Variants in GAS7 observed in about 807,000 individuals in gnomAD.
GAS7 encodes the protein growth arrest specific 7.
A neutral mutation model predicts 71.1 loss-of-function variants in GAS7; 28 were observed. The observed-to-expected ratio is 0.39, with a 90% CI of 0.29 to 0.54. The LOEUF (loss-of-function observed/expected upper bound fraction) is 0.54. GAS7 is among the 20% of genes least tolerant of loss of function. GAS7 has a pLI of 0.62. For synonymous variants in GAS7, 258 were observed against 245.8 expected (o/e 1.05, Z -0.46); for missense variants, 436 against 627.8 (o/e 0.69, Z 3.27).
chr17:10,132,154 A>G (rs2074002303), intron 1 of GAS7, among the ~76,000 whole-genome samples: 2 of 152,380 alleles, frequency 1.3e-5, no homozygotes, highest in African/African-American at 2.4e-5. Flanking sequence ...ATGTATGAAT[A>G]CATGTACTCG....
At position 9,919,881 on chromosome 17, in the gene GAS7, G is replaced by C. The variant is rs887043404; in HGVS notation, c.1139-176C>G. On this transcript the variant is annotated intron_variant, in intron 11 of 13. Transcript: ENST00000432992. The surrounding 1 kb of genome is among the most constrained non-coding windows in gnomAD (Gnocchi z 5.0). ...AGAAAGCAGAGCCAGGGAAGGAAGG[G>C]GGCAACCCAGCCCCATGAGAACCCA... Among the ~76,000 whole-genome samples, 1 of 152,142 alleles carries C rather than the reference G, an allele frequency of 6.6e-6. No homozygotes were observed. Among genetic ancestry groups the C allele is most frequent in the East Asian group, 1.9e-4 (1 of 5,184 alleles).
chr17:9,976,755 T>C (rs1191987293), intron 3 of GAS7, among the ~76,000 whole-genome samples: 1 of 152,206 alleles, frequency 6.6e-6, no homozygotes, highest in African/African-American at 2.4e-5. Context: ...CCATGTTTCC[T>C]GAAACACTCC....
chr17:10,025,389 A>C (rs1413067025), intron 1 of GAS7, among the ~76,000 whole-genome samples: 1 of 151,690 alleles, frequency 6.6e-6, no homozygotes, highest in African/African-American at 2.4e-5. Context: ...GCTCCTTCCC[A>C]AGGAGGATGA....
intron 1 of GAS7, among the ~76,000 whole-genome samples, chr17:10,185,351 C>T (rs189988655): frequency 1.3e-5 from 2 of 152,302 alleles, no homozygotes; most frequent in East Asian, 3.9e-4. Context: ...ATTGAACAGG[C>T]AGCCCCCAGC....
intron 2 of GAS7, among the ~76,000 whole-genome samples, chr17:9,986,445 C>A (rs113095646): frequency 1.2e-4 from 18 of 152,292 alleles, no homozygotes; most frequent in African/African-American, 3.9e-4. Context: ...CCAACCACTG[C>A]GGACCCAAAA....
chr17:10,063,660 A>G (rs1467274286), intron 1 of GAS7, among the ~76,000 whole-genome samples: 2 of 152,164 alleles, frequency 1.3e-5, no homozygotes, highest in African/African-American at 4.8e-5. Context: ...ATCCAAGGTC[A>G]GGCTGCTAAC....
chr17:10,061,907 C>T (rs1344298974), intron 1 of GAS7, among the ~76,000 whole-genome samples: 1 of 152,164 alleles, frequency 6.6e-6, no homozygotes, highest in Non-Finnish European at 1.5e-5. Context: ...TCCCCAGGGG[C>T]CAATGGGGCA....
In GAS7 at chr17:9,911,080, G is replaced by T; in HGVS notation, c.*6148C>A. 4.3e-6 allele frequency: 1 copy of T among 233,076 alleles called. No homozygotes were observed. Among genetic ancestry groups the T allele is most frequent in the Non-Finnish European group, 8.5e-6 (1 of 117,944 alleles). 14.4% of individuals were successfully genotyped at this position (233,076 alleles called of 1,614,324 possible). ...CATCTCCTTCCTAACGGAAGGGAAG[G>T]GATGCTAAGTTGGGGCCCCTGTCAC... On this transcript the variant is annotated 3_prime_UTR_variant, in exon 14 of 14. Coordinates refer to ENST00000432992, the MANE Select transcript of GAS7 (RefSeq NM_201433.2). This position sits in a 1 kb window ranked among gnomAD's most constrained non-coding sequence, Gnocchi z 4.0.
intron 1 of GAS7, among the ~76,000 whole-genome samples, chr17:10,179,918 A>G (rs879668806): frequency 6.6e-6 from 1 of 152,186 alleles, no homozygotes; most frequent in Non-Finnish European, 1.5e-5. Context: ...AATACGTAAT[A>G]TGGCAGTGAC....
At chr17:10,068,923 C>T (rs1165466455) in intron 1 of GAS7, among the ~76,000 whole-genome samples, 1 of 152,188 alleles carries the variant, frequency 6.6e-6, no homozygotes, top group African/African-American at 2.4e-5. Flanking sequence ...AGCAGTGAGT[C>T]CTGGTAGCAT....
At chr17:10,085,288 T>C (rs1004881963) in intron 1 of GAS7, among the ~76,000 whole-genome samples, 3 of 151,920 alleles carry the variant, frequency 2.0e-5, no homozygotes, top group African/African-American at 7.3e-5. Flanking sequence ...AGTTCTGGAG[T>C]GTGGACACCT....
intron 1 of GAS7, among the ~76,000 whole-genome samples, chr17:10,027,512 C>A (rs2072495604): frequency 6.6e-6 from 1 of 152,226 alleles, no homozygotes; most frequent in Admixed American, 6.5e-5. Context: ...GTGATCAGCC[C>A]ATGAGGGCGC....
At chr17:10,053,705 C>T (rs2073095004) in intron 1 of GAS7, among the ~76,000 whole-genome samples, 1 of 152,208 alleles carries the variant, frequency 6.6e-6, no homozygotes, top group African/African-American at 2.4e-5. Flanking sequence ...TCTGGAAGAA[C>T]TCCTCCAGCC....
In GAS7 at chr17:9,911,931, T is replaced by C. The variant is rs2067448509; in HGVS notation, c.*5297A>G. On this transcript the variant is annotated 3_prime_UTR_variant, in exon 14 of 14. Coordinates refer to ENST00000432992, the MANE Select transcript of GAS7 (RefSeq NM_201433.2). The surrounding 1 kb of genome is among the most constrained non-coding windows in gnomAD (Gnocchi z 4.0). ...AGCCTGGTCTGGCCTTAACTGGGTG[T>C]GGTCCTGTCCCTGCCACCATGTACC... is the stretch of plus-strand genomic sequence containing the variant. The C allele has an allele frequency of 4.3e-6, 1 of 232,132 alleles. No homozygotes were observed. Among genetic ancestry groups the C allele is most frequent in the Non-Finnish European group, 8.5e-6 (1 of 117,410 alleles). The allele number at this position is 232,132 out of a possible 1,614,324, so 14.4% of individuals were successfully genotyped here. A position where few individuals can be genotyped will look rare whatever the true frequency, so the allele number is the denominator to read the frequency against.
At chr17:10,078,807 G>C (rs571386926) in intron 1 of GAS7, among the ~76,000 whole-genome samples, 1 of 152,128 alleles carries the variant, frequency 6.6e-6, no homozygotes, top group Non-Finnish European at 1.5e-5. Flanking sequence ...CCAGTGCTTC[G>C]GGAGGCCAAG....
At chr17:9,954,528 G>A (rs969376984) in intron 5 of GAS7, among the ~76,000 whole-genome samples, 6 of 151,914 alleles carry the variant, frequency 3.9e-5, no homozygotes, top group South Asian at 2.1e-4. Context: ...AGTCAAGAGG[G>A]GATTAGAAGA....
chr17:9,919,491 C>T lies in GAS7; in HGVS notation c.1218+135G>A. Reference sequence around the variant, plus strand: ...AGCTGGCTCACATTGAGGTTTCGACCCCAACACTGAAGTAGATTTGATGAC... The same window carrying T: ...AGCTGGCTCACATTGAGGTTTCGACTCCAACACTGAAGTAGATTTGATGAC... On this transcript the variant is annotated intron_variant, in intron 12 of 13. Coordinates refer to ENST00000432992, the MANE Select transcript of GAS7 (RefSeq NM_201433.2). The surrounding 1 kb of genome is among the most constrained non-coding windows in gnomAD (Gnocchi z 5.0). 1 of 747,890 alleles carries T rather than the reference C, an allele frequency of 1.3e-6. No homozygotes were observed. The allele number at this position is 747,890 out of a possible 1,614,324, so 46.3% of individuals were successfully genotyped here.
At chr17:10,086,750 A>C (rs1281563225) in intron 1 of GAS7, among the ~76,000 whole-genome samples, 2 of 152,218 alleles carry the variant, frequency 1.3e-5, no homozygotes, top group Non-Finnish European at 2.9e-5. Context: ...ATAATCTCAG[A>C]GTGATTTGGT....
intron 1 of GAS7, among the ~76,000 whole-genome samples, chr17:10,146,803 T>C (rs2074124632): frequency 6.6e-6 from 1 of 151,906 alleles, no homozygotes. Flanking sequence ...GCTAACACGG[T>C]GAAACCCCAT....
Sources: gnomAD v4.1 joint callset for allele counts (sites outside exome capture counted in the v4.1 genomes callset) on GRCh38, gnomAD v4.1.1 for gene constraint, Gnocchi (gnomAD v3.1) non-coding constraint, MANE v1.5 for transcripts, NCBI Gene and HGNC (gene_info 2026-07-23, HGNC 2026-07-21) for gene names.